Variants in PARD3 observed in about 807,000 individuals in gnomAD.
PARD3 encodes the protein partitioning defective 3 homolog.
PARD3 carries 75 observed loss-of-function variants against 155.4 expected under a neutral mutation model. The ratio of observed to expected loss-of-function variants is 0.48; its 90% CI spans 0.40 to 0.58. PARD3 has a LOEUF of 0.58. Ranked by LOEUF, PARD3 falls within the 20% of genes least tolerant of loss-of-function variation. PARD3 has a pLI of 0.00. For missense variants in PARD3, 1,642 were observed against 1,721.7 expected (o/e 0.95, Z 0.82); for synonymous variants, 576 against 610.5 (o/e 0.94, Z 0.83).
At chr10:34,650,312 C>T (rs944727546) in intron 2 of PARD3, among the ~76,000 whole-genome samples, 1 of 152,214 alleles carries the variant, frequency 6.6e-6, no homozygotes, top group African/African-American at 2.4e-5. Context: ...GTCGACACTA[C>T]GACGTCACTA....
At chr10:34,485,026 G>A (rs923034854) in intron 3 of PARD3, among the ~76,000 whole-genome samples, 2 of 152,094 alleles carry the variant, frequency 1.3e-5, no homozygotes, top group East Asian at 1.9e-4. Flanking sequence ...AAAAGTATCC[G>A]AGACAAGTCT....
chr10:34,299,574 CT>C (rs1957058006), intron 20 of PARD3, among the ~76,000 whole-genome samples: 1 of 152,166 alleles, frequency 6.6e-6, no homozygotes, highest in South Asian at 2.1e-4. Flanking sequence ...GAATGTCTGT[CT>C]TACAAGATAA....
intron 5 of PARD3, among the ~76,000 whole-genome samples, chr10:34,422,379 A>G (rs536704247): frequency 6.6e-6 from 1 of 152,304 alleles, no homozygotes; most frequent in South Asian, 2.1e-4. Context: ...TTCTTGTCAG[A>G]TATGAACCCA....
intron 1 of PARD3, among the ~76,000 whole-genome samples, chr10:34,712,690 G>A (rs551988157): frequency 1.3e-5 from 2 of 151,950 alleles, no homozygotes; most frequent in South Asian, 4.2e-4. Flanking sequence ...AGACACTGTC[G>A]CAACACCCAA....
chr10:34,143,349 G>A lies in PARD3; in HGVS notation c.3420-11766C>T, dbSNP rs922336193. ...AACAACAAAAAACTGAAATAAAAAG[G>A]CAATGGAAATTAAATTACAAAACCT... is the stretch of plus-strand genomic sequence containing the variant. On this transcript the variant is annotated intron_variant, in intron 22 of 24. Coordinates refer to ENST00000374788, the MANE Select transcript of PARD3 (RefSeq NM_001184785.2). Among the ~76,000 whole-genome samples the A allele has an allele frequency of 3.3e-5, 5 of 152,128 alleles. No homozygotes were observed. In the East Asian group the frequency reaches 9.7e-4, roughly 29 times the overall value.
chr10:34,240,697 G>A lies in PARD3; in HGVS notation c.3419+28960C>T, dbSNP rs961692899. ...AGAGGGCTTGTTTTGCTTCCTGGTG[G>A]AGATGTCTTCTTGGTGGCACACCCA... is the stretch of plus-strand genomic sequence containing the variant. On this transcript the variant is annotated intron_variant, in intron 22 of 24. Transcript: ENST00000374788. Among the ~76,000 whole-genome samples, 4 of 152,064 alleles carry A rather than the reference G, an allele frequency of 2.6e-5. 1 individual carries two copies. Among genetic ancestry groups the A allele is most frequent in the African/African-American group, 9.7e-5 (4 of 41,400 alleles).
At chr10:34,672,221 T>C (rs1276166037) in intron 2 of PARD3, among the ~76,000 whole-genome samples, 4 of 152,200 alleles carry the variant, frequency 2.6e-5, no homozygotes, top group Non-Finnish European at 5.9e-5. Flanking sequence ...TATTTATGCA[T>C]AATTTTCATC....
intron 1 of PARD3, among the ~76,000 whole-genome samples, chr10:34,736,121 TC>T (rs2094909440): frequency 6.6e-6 from 1 of 151,828 alleles, no homozygotes; most frequent in Non-Finnish European, 1.5e-5. Context: ...AAGCTCCACC[TC>T]CCGGGTTCAC....
chr10:34,355,291 G>A (rs915544464), intron 14 of PARD3, among the ~76,000 whole-genome samples: 1 of 152,106 alleles, frequency 6.6e-6, no homozygotes, highest in Non-Finnish European at 1.5e-5. Flanking sequence ...CTATACCACT[G>A]CACTCTAGCC....
chr10:34,771,890 G>A lies in PARD3; in HGVS notation c.120+42986C>T, dbSNP rs142909075. Among the ~76,000 whole-genome samples the A allele has an allele frequency of 4.1e-3, 622 of 152,280 alleles. 3 individuals carry two copies. The highest frequency in any genetic ancestry group is 5.6e-3 in the Admixed American group (86 of 15,302). ...AAATGACACTTTTTCCTAACAGCTCGCCAGGATAAGCCAATGAAGATGGGT... is the reference window on the plus strand; with the variant it reads ...AAATGACACTTTTTCCTAACAGCTCACCAGGATAAGCCAATGAAGATGGGT... On this transcript the variant is annotated intron_variant, in intron 1 of 24. Coordinates refer to ENST00000374788, the MANE Select transcript of PARD3 (RefSeq NM_001184785.2).
At chr10:34,359,412 CAA>C (rs377313990) in intron 13 of PARD3, 95 bp from the exon 14 acceptor site, 3,931 of 627,920 alleles carry the variant, frequency 6.3e-3, no homozygotes, top group South Asian at 0.013. Flanking sequence ...AAAAACAAAG[CAA>C]AAAAAAAAAA....
At chr10:34,646,940 A>C (rs2092856536) in intron 2 of PARD3, among the ~76,000 whole-genome samples, 1 of 152,168 alleles carries the variant, frequency 6.6e-6, no homozygotes, top group South Asian at 2.1e-4. Flanking sequence ...CTTCCTCCCC[A>C]AATTTCCATA....
At chr10:34,541,384 C>G (rs2083601192) in intron 2 of PARD3, among the ~76,000 whole-genome samples, 1 of 152,120 alleles carries the variant, frequency 6.6e-6, no homozygotes, top group Non-Finnish European at 1.5e-5. Flanking sequence ...CACATAAAGC[C>G]ATCTGCCCCA....
At chr10:34,427,180 A>G (rs1372658118) in intron 5 of PARD3, among the ~76,000 whole-genome samples, 1 of 152,230 alleles carries the variant, frequency 6.6e-6, no homozygotes, top group Non-Finnish European at 1.5e-5. Context: ...TTTTCAGGGA[A>G]CAAGGGAGAT....
At chr10:34,795,242 T>C (rs555257161) in intron 1 of PARD3, among the ~76,000 whole-genome samples, 83 of 152,334 alleles carry the variant, frequency 5.4e-4, no homozygotes, top group Admixed American at 9.8e-4. Flanking sequence ...GGCTGTGGGA[T>C]TGATTGTGGC....
At chr10:34,247,035 C>A (rs1011088429) in intron 22 of PARD3, among the ~76,000 whole-genome samples, 1 of 151,574 alleles carries the variant, frequency 6.6e-6, no homozygotes, top group African/African-American at 2.4e-5. Context: ...TGCAGTGAGC[C>A]ACCACACTCC....
chr10:34,191,483 C>T (rs951611036), intron 22 of PARD3, among the ~76,000 whole-genome samples: 1 of 152,102 alleles, frequency 6.6e-6, no homozygotes, highest in African/African-American at 2.4e-5. Context: ...GGCCCAAGTC[C>T]CATAGGAGAA....
At chr10:34,807,055 G>A (rs147770707) in intron 1 of PARD3, among the ~76,000 whole-genome samples, 1 of 152,338 alleles carries the variant, frequency 6.6e-6, no homozygotes, top group East Asian at 1.9e-4. Context: ...TAGCTGGCGA[G>A]CTGGGTAGAA....
rs141146201 is a variant in PARD3 at position 34,331,394 on chromosome 10, T to A, written c.2606-50A>T. ...TGTTAGTGTGAATTAGTGAAAATTA[T>A]GTACCTGAATATGCACTGTCGAAAA... On this transcript the variant is annotated intron_variant, in intron 18 of 24. Coordinates refer to ENST00000374788, the MANE Select transcript of PARD3 (RefSeq NM_001184785.2). The A allele has an allele frequency of 1.1e-3, 1,365 of 1,228,922 alleles. 21 individuals carry two copies. In the Admixed American group the frequency reaches 0.022, roughly 20 times the overall value. 76.1% of individuals were successfully genotyped at this position (1,228,922 alleles called of 1,614,324 possible).
Sources: allele counts gnomAD v4.1 joint callset (sites outside exome capture counted in the v4.1 genomes callset), GRCh38; gene constraint gnomAD v4.1.1; transcripts MANE v1.5; gene names NCBI Gene and HGNC (gene_info 2026-07-23, HGNC 2026-07-21).